GRID1: variants seen among roughly 807,000 people sequenced by gnomAD.
The protein encoded by GRID1 is glutamate receptor ionotropic, delta-1.
Under a neutral mutation model 98.0 loss-of-function variants are expected in GRID1, and 28 were observed. That is an observed-to-expected ratio of 0.29 (90% CI 0.21 to 0.39). GRID1 has a LOEUF of 0.39. Ranked by LOEUF, GRID1 falls within the 10% of genes least tolerant of loss-of-function variation. The probability of loss-of-function intolerance (pLI) is 1.00; values close to 1 mark genes in which losing one functional copy is unlikely to be tolerated. For missense variants in GRID1, 1,111 were observed against 1,340.5 expected (o/e 0.83, Z 2.67); for synonymous variants, 553 against 538.5 (o/e 1.03, Z -0.37).
intron 6 of GRID1, among the ~76,000 whole-genome samples, chr10:85,859,334 G>C (rs1843142433): frequency 6.6e-6 from 1 of 151,896 alleles, no homozygotes; most frequent in Non-Finnish European, 1.5e-5. Flanking sequence ...GATGGATGAA[G>C]TAATGGATGG....
chr10:86,350,020 A>G (rs1848440758), intron 2 of GRID1, among the ~76,000 whole-genome samples: 1 of 152,256 alleles, frequency 6.6e-6, no homozygotes, highest in African/African-American at 2.4e-5. Flanking sequence ...CTGAGGAGGT[A>G]AGATCAGAGG....
In GRID1 at chr10:85,916,960, C is replaced by G. The variant is rs1841629797; in HGVS notation, c.727-721G>C. 6.6e-6 allele frequency among the ~76,000 whole-genome samples: 1 copy of G among 152,302 alleles called. No homozygotes were observed. Among genetic ancestry groups the G allele is most frequent in the East Asian group, 1.9e-4 (1 of 5,174 alleles). ...TATCTCCTAGGTCACAGCTGTGTCCCAATAGCTGTAACCAGCACACAGCAG... is the reference window on the plus strand; with the variant it reads ...TATCTCCTAGGTCACAGCTGTGTCCGAATAGCTGTAACCAGCACACAGCAG... On this transcript the variant is annotated intron_variant, in intron 4 of 15. Coordinates refer to ENST00000327946, the MANE Select transcript of GRID1 (RefSeq NM_017551.3). The surrounding 1 kb of genome is among the most constrained non-coding windows in gnomAD (Gnocchi z 4.0).
chr10:85,605,423 G>A (rs1162292702), intron 15 of GRID1: 1 of 152,314 alleles, frequency 6.6e-6, no homozygotes, highest in East Asian at 1.9e-4. Context: ...GCCTGAACAA[G>A]CTGGTCACCC....
At chr10:86,272,527 A>G (rs1399325680) in intron 2 of GRID1, among the ~76,000 whole-genome samples, 2 of 152,294 alleles carry the variant, frequency 1.3e-5, no homozygotes, top group Admixed American at 6.5e-5. Flanking sequence ...TATTATTCAC[A>G]AATTATTGTG....
intron 4 of GRID1, among the ~76,000 whole-genome samples, chr10:85,972,313 G>A (rs1184498836): frequency 6.6e-6 from 1 of 150,944 alleles, no homozygotes; most frequent in African/African-American, 2.4e-5. Flanking sequence ...ATTTTTACTT[G>A]TTTACTGAAA....
intron 2 of GRID1, 49 bp downstream of exon 2, chr10:86,363,892 C>G (rs771795390): frequency 1.6e-5 from 24 of 1,535,102 alleles, no homozygotes; most frequent in Non-Finnish European, 2.2e-5. Flanking sequence ...ACTGCTGCGA[C>G]GCCTCGCAGG....
intron 4 of GRID1, among the ~76,000 whole-genome samples, chr10:86,029,362 C>T (rs1360532348): frequency 6.6e-6 from 1 of 152,172 alleles, no homozygotes; most frequent in African/African-American, 2.4e-5. Flanking sequence ...GAGGATCACC[C>T]AACTCACAGG....
At chr10:86,090,380 T>G (rs1183297480) in intron 4 of GRID1, among the ~76,000 whole-genome samples, 1 of 151,616 alleles carries the variant, frequency 6.6e-6, no homozygotes, top group Non-Finnish European at 1.5e-5. Flanking sequence ...ACCACTGCAC[T>G]CCAACCTGGG....
intron 8 of GRID1, among the ~76,000 whole-genome samples, chr10:85,751,307 C>T (rs1289993688): frequency 1.3e-5 from 2 of 152,152 alleles, no homozygotes; most frequent in African/African-American, 4.8e-5. Context: ...TAGGGTAGCG[C>T]CAGGTTGGCT....
intron 2 of GRID1, among the ~76,000 whole-genome samples, chr10:86,212,274 G>T (rs935044682): frequency 2.0e-5 from 3 of 152,222 alleles, no homozygotes; most frequent in Non-Finnish European, 2.9e-5. Context: ...CCGCAGGCTT[G>T]CTCACCCAGG....
intron 5 of GRID1, among the ~76,000 whole-genome samples, chr10:85,897,313 T>C (rs1841306597): frequency 6.6e-6 from 1 of 152,196 alleles, no homozygotes; most frequent in Non-Finnish European, 1.5e-5. Flanking sequence ...TCTCCCAAGA[T>C]ATTTTCTTTC....
chr10:85,927,473 C>T (rs1311495902), intron 4 of GRID1, among the ~76,000 whole-genome samples: 1 of 148,306 alleles, frequency 6.7e-6, no homozygotes, highest in Non-Finnish European at 1.5e-5. Flanking sequence ...TTGTGTTCCA[C>T]AGGATGTGAG....
intron 4 of GRID1, among the ~76,000 whole-genome samples, chr10:86,007,441 C>T (rs1180922400): frequency 6.6e-6 from 1 of 152,160 alleles, no homozygotes; most frequent in Non-Finnish European, 1.5e-5. Context: ...CAATGAGCCT[C>T]CAACCCAACT....
intron 12 of GRID1, among the ~76,000 whole-genome samples, chr10:85,681,166 G>T (rs7913276): frequency 6.6e-6 from 1 of 151,912 alleles, no homozygotes; most frequent in Non-Finnish European, 1.5e-5. Flanking sequence ...CCCTAATCTC[G>T]TATTGCAGGC....
rs147523736 is a variant in GRID1 at position 85,675,611 on chromosome 10, C to T, written c.1998-28214G>A. ...GTGTTCATGTGGTGGAAAATGAGCT[C>T]GTACCTTTCTTCCCATCTTTATCTC... On this transcript the variant is annotated intron_variant, in intron 12 of 15. Transcript: ENST00000327946. 6.8e-4 allele frequency among the ~76,000 whole-genome samples: 103 copies of T among 152,286 alleles called. 1 individual carries two copies. The East Asian group carries it at 0.016, about 24-fold the overall frequency.
chr10:85,905,967 TG>T (rs1172321648), intron 5 of GRID1, among the ~76,000 whole-genome samples: 4 of 152,182 alleles, frequency 2.6e-5, no homozygotes, highest in South Asian at 4.1e-4. Flanking sequence ...ACTGTTATAA[TG>T]GATAAAATAG....
At chr10:85,783,077 C>T (rs915981454) in intron 8 of GRID1, among the ~76,000 whole-genome samples, 1 of 152,194 alleles carries the variant, frequency 6.6e-6, no homozygotes, top group Admixed American at 6.5e-5. Flanking sequence ...CAGGGAAATG[C>T]TATTCATCAC....
intron 4 of GRID1, among the ~76,000 whole-genome samples, chr10:86,129,413 A>G (rs1490434317): frequency 1.3e-5 from 2 of 152,208 alleles, no homozygotes; most frequent in Non-Finnish European, 2.9e-5. Context: ...GGTGTTCAGC[A>G]TTCATAGCCC....
At chr10:85,635,669 C>T (rs900011012) in intron 13 of GRID1, among the ~76,000 whole-genome samples, 6 of 152,190 alleles carry the variant, frequency 3.9e-5, no homozygotes, top group African/African-American at 1.4e-4. Flanking sequence ...CCAAGTCTAG[C>T]AGGGCTGTGA....
Sources: allele counts gnomAD v4.1 joint callset (sites outside exome capture counted in the v4.1 genomes callset), GRCh38; gene constraint gnomAD v4.1.1; non-coding constraint Gnocchi (gnomAD v3.1); transcripts MANE v1.5; gene names NCBI Gene and HGNC (gene_info 2026-07-23, HGNC 2026-07-21).